The following GBP7 variants were observed in gnomAD, a reference collection of about 807,000 sequenced individuals.
GBP7 encodes the protein guanylate binding protein 7.
A neutral mutation model predicts 61.3 loss-of-function variants in GBP7; 43 were observed. The ratio of observed to expected loss-of-function variants is 0.70; its 90% CI spans 0.55 to 0.91. GBP7 has a LOEUF of 0.91. Among genes scored for constraint, GBP7 ranks in the 40% least tolerant of loss-of-function variants. The pLI is 0.00. For synonymous variants in GBP7, 267 were observed against 271.0 expected (o/e 0.99, Z 0.14); for missense variants, 717 against 740.5 (o/e 0.97, Z 0.37).
chr1:89,133,383 G>A lies in GBP7; in HGVS notation c.1537C>T (p.Gln513Ter). 6.2e-7 allele frequency: 1 copy of A among 1,614,028 alleles called. No homozygotes were observed. Among genetic ancestry groups the A allele is most frequent in the African/African-American group, 1.3e-5 (1 of 74,994 alleles). Reference sequence around the variant, plus strand: ...CTCTCTTGAGCCTCCATCATTTGCTGCTGTTCCTTCTGTTTTTGTCTTAGC... The same window carrying A: ...CTCTCTTGAGCCTCCATCATTTGCTACTGTTCCTTCTGTTTTTGTCTTAGC... Reference protein sequence around the residue: ...ELLRQKQKEQQQMMEAQERSF... With the variant: ...ELLRQKQKEQ The change falls in exon 10 of 11, where the codon CAG (glutamine) becomes TAG (stop). Residue 513 changes from glutamine to a stop codon, truncating the protein, a stop_gained. Transcript: ENST00000294671. LOFTEE classifies it high-confidence loss of function.
At chr1:89,136,330 A>G (rs892727382) in intron 9 of GBP7, among the ~76,000 whole-genome samples, 1 of 152,170 alleles carries the variant, frequency 6.6e-6, no homozygotes, top group Non-Finnish European at 1.5e-5. Flanking sequence ...ACATCTACAG[A>G]ACACTCCACC....
chr1:89,150,870 C>CT (rs1275591448), intron 5 of GBP7, among the ~76,000 whole-genome samples: 1 of 152,160 alleles, frequency 6.6e-6, no homozygotes, highest in Admixed American at 6.5e-5. Context: ...GTCCCGTAGA[C>CT]TGACGATTTT....
At chr1:89,158,221 A>G (rs955361738) in intron 3 of GBP7, among the ~76,000 whole-genome samples, 2 of 152,242 alleles carry the variant, frequency 1.3e-5, no homozygotes, top group Non-Finnish European at 2.9e-5. Context: ...CAAAATAATA[A>G]GAGCTATTTA....
chr1:89,173,324 G>C (rs1647657324), intron 1 of GBP7, among the ~76,000 whole-genome samples: 1 of 151,990 alleles, frequency 6.6e-6, no homozygotes, highest in Admixed American at 6.6e-5. Flanking sequence ...ATTTTTATCT[G>C]TACATTTCTA....
At position 89,149,465 on chromosome 1, in the gene GBP7, C is replaced by A; in HGVS notation, c.979G>T (p.Val327Leu). ...VLAQCENSAA[V>L]QRAANHYSQQ... ...CTGTAGTGGTTGGCTGCCCTCTGCA[C>A]GGCTGCTGAGTTCTCACACTGGGCC... Residue 327 changes from valine (V) to leucine (L), a missense_variant, in exon 7 of 11, where the codon GTG (valine) becomes TTG (leucine). Physicochemically the swap from Val to Leu is conservative, Grantham distance 32. This residue lies in a region of GBP7 where 387 missense variants were observed against 385.2 expected (regional missense o/e 1.00). Coordinates refer to ENST00000294671, the MANE Select transcript of GBP7 (RefSeq NM_207398.3). The A allele has an allele frequency of 6.2e-7, 1 of 1,614,164 alleles. No individual in the cohort carries two copies.
chr1:89,162,042 C>T (rs1570358890), intron 3 of GBP7, among the ~76,000 whole-genome samples: 1 of 144,024 alleles, frequency 6.9e-6, no homozygotes, highest in East Asian at 2.0e-4. Context: ...TTCCCCATTG[C>T]TTTTTTTTTT....
intron 1 of GBP7, among the ~76,000 whole-genome samples, chr1:89,173,259 A>G (rs1647655221): frequency 6.6e-6 from 1 of 152,040 alleles, no homozygotes; most frequent in African/African-American, 2.4e-5. Context: ...TTCTAGACCC[A>G]CTCAGGGGCA....
chr1:89,138,518 A>G (rs1681863398), intron 9 of GBP7, among the ~76,000 whole-genome samples: 1 of 152,020 alleles, frequency 6.6e-6, no homozygotes, highest in Non-Finnish European at 1.5e-5. Context: ...GAAAGCAGAA[A>G]TAATACCACA....
At chr1:89,159,336 G>A (rs1185148226) in intron 3 of GBP7, among the ~76,000 whole-genome samples, 6 of 152,092 alleles carry the variant, frequency 3.9e-5, no homozygotes, top group African/African-American at 1.4e-4. Context: ...AAAAGCAATG[G>A]CAACAAAAGC....
intron 8 of GBP7, among the ~76,000 whole-genome samples, chr1:89,146,536 C>T (rs1445035719): frequency 1.3e-5 from 2 of 152,094 alleles, no homozygotes; most frequent in African/African-American, 2.4e-5. Context: ...CTGATAAGTG[C>T]TTAATATCCA....
At chr1:89,146,139 AAC>A (rs1363227011) in intron 8 of GBP7, among the ~76,000 whole-genome samples, 1 of 152,220 alleles carries the variant, frequency 6.6e-6, no homozygotes, top group African/African-American at 2.4e-5. Context: ...AGAGCCAGGA[AAC>A]AAACCCACAC....
chr1:89,154,459 A>C (rs1288731606), intron 3 of GBP7, among the ~76,000 whole-genome samples: 1 of 151,878 alleles, frequency 6.6e-6, no homozygotes, highest in Middle Eastern at 3.2e-3. Flanking sequence ...CAATTCTTCC[A>C]CCTCAGCTTC....
intron 9 of GBP7, among the ~76,000 whole-genome samples, chr1:89,135,737 G>C (rs1681785655): frequency 6.6e-6 from 1 of 152,002 alleles, no homozygotes; most frequent in African/African-American, 2.4e-5. Flanking sequence ...CACTACAAAA[G>C]CACACTTCAG....
At chr1:89,172,697 G>A (rs1647638227) in intron 1 of GBP7, among the ~76,000 whole-genome samples, 1 of 151,396 alleles carries the variant, frequency 6.6e-6, no homozygotes, top group African/African-American at 2.4e-5. Context: ...GTGCCACTTT[G>A]TCACTAAAAA....
chr1:89,158,994 G>A (rs1047761967), intron 3 of GBP7, among the ~76,000 whole-genome samples: 9 of 152,272 alleles, frequency 5.9e-5, no homozygotes, highest in African/African-American at 1.9e-4. Context: ...AAACAGCATG[G>A]TACTGGTACC....
intron 9 of GBP7, among the ~76,000 whole-genome samples, chr1:89,140,701 T>G (rs1681919200): frequency 6.6e-6 from 1 of 152,182 alleles, no homozygotes; most frequent in Non-Finnish European, 1.5e-5. Flanking sequence ...TTACTGCTTA[T>G]ATACCCAAAG....
intron 2 of GBP7, among the ~76,000 whole-genome samples, chr1:89,165,334 T>A (rs1647394252): frequency 2.0e-5 from 3 of 152,016 alleles, no homozygotes; most frequent in African/African-American, 7.2e-5. Context: ...ATCCTGTCTC[T>A]ACTAAAATAC....
rs1310688798 is a variant in GBP7, at chr1:89,164,722, C to T, written c.318+9G>A. The T allele has an allele frequency of 3.7e-6, 6 of 1,613,352 alleles. No homozygotes were observed. The highest frequency in any genetic ancestry group is 1.3e-5 in the African/African-American group (1 of 75,038). On this transcript the variant is annotated intron_variant, in intron 3 of 10. Coordinates refer to ENST00000294671, the MANE Select transcript of GBP7 (RefSeq NM_207398.3). Reference sequence around the variant, plus strand: ...AGGTAAAGAAGATTTCTCTATGTCTCTTTCTTACCTTTTCCATATCACCCA... The same window carrying T: ...AGGTAAAGAAGATTTCTCTATGTCTTTTTCTTACCTTTTCCATATCACCCA...
chr1:89,147,330 A>G (rs6428504), intron 8 of GBP7, among the ~76,000 whole-genome samples: 31,667 of 152,172 alleles, frequency 0.21, 3,521 homozygotes, highest in East Asian at 0.38. Flanking sequence ...TGATAAATAA[A>G]AGAAATGGTT....
Sources: gnomAD v4.1 joint callset for allele counts (sites outside exome capture counted in the v4.1 genomes callset) on GRCh38, gnomAD v4.1.1 for gene constraint, gnomAD v4.1.1 regional missense constraint, MANE v1.5 for transcripts, NCBI Gene and HGNC (gene_info 2026-07-23, HGNC 2026-07-21) for gene names.